The following GABRR3 variants were observed in gnomAD, a reference collection of about 807,000 sequenced individuals.
The protein encoded by GABRR3 is gamma-aminobutyric acid receptor subunit rho-3.
GABRR3 carries 29 observed loss-of-function variants against 43.2 expected under a neutral mutation model. That is an observed-to-expected ratio of 0.67 (90% confidence interval 0.50 to 0.92). The LOEUF is 0.92. Among genes scored for constraint, GABRR3 ranks in the 40% least tolerant of loss-of-function variants. The pLI is 0.00. For synonymous variants in GABRR3, 206 were observed against 195.9 expected (o/e 1.05, Z -0.43); for missense variants, 576 against 572.3 (o/e 1.01, Z -0.07).
chr3:98,015,837 G>C (rs544800112), intron 4 of GABRR3, among the ~76,000 whole-genome samples: 1 of 152,354 alleles, frequency 6.6e-6, no homozygotes, highest in African/African-American at 2.4e-5. Flanking sequence ...TTGATACCCA[G>C]TGTTGGAGGT....
chr3:98,017,788 C>G, intron 3 of GABRR3, 66 bp from the exon 4 acceptor site: 1 of 1,141,228 alleles, frequency 8.8e-7, no homozygotes, highest in Non-Finnish European at 1.3e-6. Flanking sequence ...CCATTTAAAA[C>G]AGAGAGATTA....
chr3:98,014,763 A>T (rs1224978294), intron 4 of GABRR3, among the ~76,000 whole-genome samples: 1 of 152,206 alleles, frequency 6.6e-6, no homozygotes, highest in African/African-American at 2.4e-5. Flanking sequence ...TATAAATAAA[A>T]ATATGAATTA....
intron 4 of GABRR3, among the ~76,000 whole-genome samples, chr3:98,014,820 T>A (rs1706853621): frequency 6.6e-6 from 1 of 152,250 alleles, no homozygotes; most frequent in Non-Finnish European, 1.5e-5. Flanking sequence ...TGATATTTTC[T>A]AGGTCCCTCC....
At chr3:98,030,097 A>G (rs771247213) in intron 2 of GABRR3, among the ~76,000 whole-genome samples, 45 of 147,884 alleles carry the variant, frequency 3.0e-4, no homozygotes, top group Non-Finnish European at 4.3e-4. Context: ...CCTGGGTGAC[A>G]GAGTGAGACT....
At chr3:97,995,733 T>C (rs912259021) in intron 8 of GABRR3, among the ~76,000 whole-genome samples, 1 of 152,114 alleles carries the variant, frequency 6.6e-6, no homozygotes, top group African/African-American at 2.4e-5. Context: ...TTACATTAAA[T>C]ACACTTATTA....
At chr3:97,986,256 T>C (rs368442411), downstream of GABRR3, among the ~76,000 whole-genome samples, 1 of 152,252 alleles carries the variant, frequency 6.6e-6, no homozygotes, top group East Asian at 1.9e-4. Flanking sequence ...GTGTGGATGA[T>C]ACCACCTCTA....
intron 6 of GABRR3, 127 bp from the exon 7 acceptor site, chr3:98,008,031 A>G: frequency 1.4e-6 from 1 of 736,634 alleles, no homozygotes; most frequent in Non-Finnish European, 2.1e-6. Flanking sequence ...ATATTAGGTG[A>G]TAAAAATATG....
chr3:98,027,328 C>T (rs573482675), intron 2 of GABRR3, among the ~76,000 whole-genome samples: 59 of 152,196 alleles, frequency 3.9e-4, no homozygotes, highest in Non-Finnish European at 5.9e-4. Flanking sequence ...AGAGATCCAC[C>T]GGCCTAGAAA....
intron 2 of GABRR3, among the ~76,000 whole-genome samples, chr3:98,033,324 C>T (rs184106549): frequency 1.3e-3 from 203 of 152,292 alleles, no homozygotes; most frequent in African/African-American, 4.5e-3. Flanking sequence ...GAAATCCTGG[C>T]GTTTCCTACG....
At chr3:97,988,606 G>A (rs946136411) in intron 9 of GABRR3, among the ~76,000 whole-genome samples, 6 of 151,828 alleles carry the variant, frequency 4.0e-5, no homozygotes, top group African/African-American at 1.4e-4. Context: ...GTGGTGGTGG[G>A]TGGTGGGTGG....
At chr3:97,994,872 A>G (rs1706514988) in intron 8 of GABRR3, among the ~76,000 whole-genome samples, 1 of 152,230 alleles carries the variant, frequency 6.6e-6, no homozygotes, top group African/African-American at 2.4e-5. Flanking sequence ...CCTGTGCCAT[A>G]CTGACATTTT....
chr3:97,985,808 C>T (rs966076137), downstream of GABRR3, among the ~76,000 whole-genome samples: 1 of 151,930 alleles, frequency 6.6e-6, no homozygotes, highest in East Asian at 1.9e-4. Context: ...TTAGCTTCCC[C>T]TCTCCACTTA....
At chr3:98,025,791 A>G in intron 2 of GABRR3, 112 bp from the exon 3 acceptor site, 1 of 624,640 alleles carries the variant, frequency 1.6e-6, no homozygotes, top group East Asian at 2.9e-5. Context: ...ACATACATAA[A>G]AGCTCATTTT....
intron 7 of GABRR3, among the ~76,000 whole-genome samples, chr3:98,004,468 A>C (rs1367323737): frequency 6.6e-6 from 1 of 152,152 alleles, no homozygotes; most frequent in Admixed American, 6.6e-5. Flanking sequence ...CTACTTACAC[A>C]TTCAGCCATT....
chr3:97,993,058 G>A lies in GABRR3; in HGVS notation c.908-10C>T, dbSNP rs763352470. ...AGCACTGTGGTGATTCCTGCCATTT[G>A]AGAATAGTGGCAAGCTCAGTGATAT... On this transcript the variant is annotated splice_polypyrimidine_tract_variant and intron_variant, in intron 8 of 9. Transcript: ENST00000621172. 2 of 1,578,706 alleles carry A rather than the reference G, an allele frequency of 1.3e-6. No homozygotes were observed. Among genetic ancestry groups the A allele is most frequent in the South Asian group, 2.4e-5 (2 of 84,448 alleles).
intron 8 of GABRR3, chr3:97,999,885 T>G (rs1706614338): frequency 6.6e-6 from 1 of 152,106 alleles, no homozygotes; most frequent in African/African-American, 2.4e-5. Flanking sequence ...TAATGTCAAA[T>G]GCTGTGGAGA....
chr3:98,027,181 T>C (rs1193588300), intron 2 of GABRR3, among the ~76,000 whole-genome samples: 1 of 152,218 alleles, frequency 6.6e-6, no homozygotes, highest in Non-Finnish European at 1.5e-5. Flanking sequence ...ATGTCTACTA[T>C]GTTCAAGTCA....
At chr3:98,029,465 T>C (rs1271571990) in intron 2 of GABRR3, among the ~76,000 whole-genome samples, 1 of 152,114 alleles carries the variant, frequency 6.6e-6, no homozygotes, top group Non-Finnish European at 1.5e-5. Flanking sequence ...AAACTAGAAC[T>C]GATTGAGGAA....
At chr3:98,024,167 G>A (rs920006752) in intron 3 of GABRR3, among the ~76,000 whole-genome samples, 1 of 152,158 alleles carries the variant, frequency 6.6e-6, no homozygotes, top group African/African-American at 2.4e-5. Flanking sequence ...AGAACAACCT[G>A]ACCAACAGGG....
Sources: allele counts gnomAD v4.1 joint callset (sites outside exome capture counted in the v4.1 genomes callset), GRCh38; gene constraint gnomAD v4.1.1; transcripts MANE v1.5; gene names NCBI Gene and HGNC (gene_info 2026-07-23, HGNC 2026-07-21).